NRXN3: variants seen among roughly 807,000 people sequenced by gnomAD.
NRXN3 encodes neurexin III.
In NRXN3, 32 loss-of-function variants were observed where a neutral mutation model predicts 137.6. That is an observed-to-expected ratio of 0.23 (90% CI 0.18 to 0.31). NRXN3 has a LOEUF of 0.31. Ranked by LOEUF, NRXN3 falls within the 10% of genes least tolerant of loss-of-function variation. NRXN3 has a pLI of 1.00. For synonymous variants in NRXN3, 798 were observed against 784.5 expected (o/e 1.02, Z -0.29); for missense variants, 1,574 against 2,062.5 (o/e 0.76, Z 4.59).
At chr14:79,063,061 C>G (rs2099676198) in intron 15 of NRXN3, among the ~76,000 whole-genome samples, 1 of 152,026 alleles carries the variant, frequency 6.6e-6, no homozygotes, top group Non-Finnish European at 1.5e-5. Flanking sequence ...AACGAGGAAG[C>G]CAAGTGTTGG....
At chr14:79,256,172 GTCTCTCTC>G (rs111298626) in intron 15 of NRXN3, among the ~76,000 whole-genome samples, 3 of 145,400 alleles carry the variant, frequency 2.1e-5, no homozygotes, top group South Asian at 4.5e-4. Context: ...CTCTCTCTCT[GTCTCTCTC>G]TCTCTCTCTC....
intron 4 of NRXN3, among the ~76,000 whole-genome samples, chr14:78,518,809 C>T (rs1260703145): frequency 6.6e-6 from 1 of 152,072 alleles, no homozygotes; most frequent in Non-Finnish European, 1.5e-5. Context: ...AGTTTTCCTA[C>T]ACCAAAGCAT....
intron 15 of NRXN3, among the ~76,000 whole-genome samples, chr14:79,442,259 T>G (rs981974363): frequency 2.6e-5 from 4 of 152,218 alleles, no homozygotes; most frequent in Non-Finnish European, 5.9e-5. Context: ...ACAGCCTGTA[T>G]GCTGGGCAAT....
chr14:78,369,593 T>G (rs2086506739), intron 4 of NRXN3, among the ~76,000 whole-genome samples: 1 of 152,192 alleles, frequency 6.6e-6, no homozygotes, highest in Non-Finnish European at 1.5e-5. Context: ...TTAAATGGAA[T>G]AGTGTATTAA....
chr14:78,967,440 T>G, intron 13 of NRXN3, 42 bp downstream of exon 13: 1 of 1,417,890 alleles, frequency 7.1e-7, no homozygotes, highest in Non-Finnish European at 9.8e-7. Flanking sequence ...AGAGCTTTTC[T>G]TACAATAGAT....
chr14:79,826,761 G>A (rs2099303691), intron 20 of NRXN3, among the ~76,000 whole-genome samples: 1 of 152,090 alleles, frequency 6.6e-6, no homozygotes. Flanking sequence ...TAGTTGTCAA[G>A]CTCACCAACT....
intron 19 of NRXN3, among the ~76,000 whole-genome samples, chr14:79,748,813 GC>G (rs1794606567): frequency 6.6e-6 from 1 of 151,820 alleles, no homozygotes; most frequent in South Asian, 2.1e-4. Flanking sequence ...ATAGTGAATT[GC>G]GATGGTTTCT....
chr14:79,296,628 T>C lies in NRXN3; in HGVS notation c.3263-170593T>C, dbSNP rs192127773. Among the ~76,000 whole-genome samples the C allele has an allele frequency of 2.2e-4, 33 of 152,254 alleles. No homozygotes were observed. In the East Asian group the frequency reaches 5.8e-3, roughly 27 times the overall value. Reference sequence around the variant, plus strand: ...ATTTACAGTTTGCAGATCAGTAATGTAAATACTATATGACTTGTCCCTTTC... The same window carrying C: ...ATTTACAGTTTGCAGATCAGTAATGCAAATACTATATGACTTGTCCCTTTC... On this transcript the variant is annotated intron_variant, in intron 15 of 20. Coordinates refer to ENST00000335750, the MANE Select transcript of NRXN3 (RefSeq NM_001330195.2).
chr14:79,797,590 T>C (rs1311106992), intron 19 of NRXN3, among the ~76,000 whole-genome samples: 2 of 152,176 alleles, frequency 1.3e-5, no homozygotes, highest in African/African-American at 4.8e-5. Context: ...CATAACAATG[T>C]CAGTGGCTTT....
At position 78,820,241 on chromosome 14, in the gene NRXN3, C is replaced by CATAT. The variant is rs199832842; in HGVS notation, c.2275+9909_2275+9912dup. On this transcript the variant is annotated intron_variant, in intron 10 of 20. Coordinates refer to ENST00000335750, the MANE Select transcript of NRXN3 (RefSeq NM_001330195.2). ...ATTATATGTATAAAGTACATATATA[C>CATAT]ATATATATATATATAAATTGCAGTT... is the stretch of plus-strand genomic sequence containing the variant. Among the ~76,000 whole-genome samples the CATAT allele has an allele frequency of 1.5e-4, 22 of 146,754 alleles. No individual in the cohort carries two copies. The East Asian group carries it at 2.8e-3, about 18-fold the overall frequency.
At chr14:79,596,328 A>C (rs1018836994) in intron 16 of NRXN3, among the ~76,000 whole-genome samples, 3 of 152,176 alleles carry the variant, frequency 2.0e-5, no homozygotes, top group Non-Finnish European at 4.4e-5. Context: ...ACTTTTCTAA[A>C]TTTTAGTTTG....
At chr14:78,630,609 T>G (rs2152531512) in intron 4 of NRXN3, among the ~76,000 whole-genome samples, 1 of 150,654 alleles carries the variant, frequency 6.6e-6, no homozygotes, top group South Asian at 2.1e-4. Context: ...TTTTTTTTTT[T>G]TTTTGTTGTT....
At chr14:79,809,905 T>C (rs2099225572) in intron 20 of NRXN3, among the ~76,000 whole-genome samples, 1 of 152,230 alleles carries the variant, frequency 6.6e-6, no homozygotes, top group Non-Finnish European at 1.5e-5. Context: ...CATGAGATTA[T>C]GGAAGCCAAA....
chr14:79,493,797 G>T (rs551523265), intron 16 of NRXN3, among the ~76,000 whole-genome samples: 216 of 152,258 alleles, frequency 1.4e-3, no homozygotes, highest in African/African-American at 5.1e-3. Context: ...CATTACTCAG[G>T]TTAATATTAT....
chr14:78,268,982 G>A (rs1185035054), intron 2 of NRXN3, among the ~76,000 whole-genome samples: 1 of 152,168 alleles, frequency 6.6e-6, no homozygotes, highest in East Asian at 1.9e-4. Context: ...ACAAGGAATT[G>A]CCCCTCGTTA....
intron 15 of NRXN3, among the ~76,000 whole-genome samples, chr14:79,299,723 A>G (rs536028135): frequency 6.6e-6 from 1 of 152,230 alleles, no homozygotes; most frequent in African/African-American, 2.4e-5. Flanking sequence ...TAGGGCTGCA[A>G]GGAATCTTGG....
At chr14:79,039,413 T>A (rs1051168566) in intron 15 of NRXN3, among the ~76,000 whole-genome samples, 1 of 152,266 alleles carries the variant, frequency 6.6e-6, no homozygotes, top group African/African-American at 2.4e-5. Context: ...TTATCCCCCT[T>A]ATTTCCTTTT....
intron 16 of NRXN3, among the ~76,000 whole-genome samples, chr14:79,490,257 G>A (rs190782113): frequency 2.0e-5 from 3 of 152,018 alleles, no homozygotes; most frequent in Non-Finnish European, 2.9e-5. Flanking sequence ...CAGTTTGGAG[G>A]TTCCTCAAAA....
chr14:78,191,840 A>G (rs2060764516), intron 1 of NRXN3, among the ~76,000 whole-genome samples: 1 of 152,152 alleles, frequency 6.6e-6, no homozygotes, highest in Admixed American at 6.5e-5. Flanking sequence ...AGAAACTGGG[A>G]TGAGCAGGGG....
Sources: gnomAD v4.1 joint callset for allele counts (sites outside exome capture counted in the v4.1 genomes callset) on GRCh38, gnomAD v4.1.1 for gene constraint, MANE v1.5 for transcripts, NCBI Gene and HGNC (gene_info 2026-07-23, HGNC 2026-07-21) for gene names.